SLC28A3: variants seen among roughly 807,000 people sequenced by gnomAD.
SLC28A3 encodes the protein concentrative Na(+)-nucleoside cotransporter 3.
SLC28A3 carries 68 observed loss-of-function variants against 84.2 expected under a neutral mutation model. The observed-to-expected ratio is 0.81, with a 90% CI of 0.66 to 0.99. The LOEUF (loss-of-function observed/expected upper bound fraction) is 0.99, where lower values mean the gene tolerates loss of function less well. Among genes scored for constraint, SLC28A3 ranks in the 50% least tolerant of loss-of-function variants. The pLI is 0.00. For synonymous variants in SLC28A3, 267 were observed against 303.6 expected, an observed-to-expected ratio of 0.88 and a Z score of 1.25; for missense variants, 712 against 841.5, an observed-to-expected ratio of 0.85 and a Z score of 1.90.
chr9:84,309,176 A>G (rs1244696006), intron 3 of SLC28A3, among the ~76,000 whole-genome samples: 1 of 152,072 alleles, frequency 6.6e-6, no homozygotes, highest in Non-Finnish European at 1.5e-5. Flanking sequence ...TTGGGTAGGG[A>G]GGGTAGATGG....
At chr9:84,353,643 G>T in the SLC28A3 span, among the ~76,000 whole-genome samples, 1 of 152,166 alleles carries the variant, frequency 6.6e-6, no homozygotes, top group South Asian at 2.1e-4. Flanking sequence ...TCGAGAGGTG[G>T]AGCTTGCAAT....
At chr9:84,305,468 T>C (rs1033162666) in intron 3 of SLC28A3, 123 bp from the exon 4 acceptor site, 6 of 772,782 alleles carry the variant, frequency 7.8e-6, no homozygotes, top group Non-Finnish European at 1.3e-5. Flanking sequence ...GTGAGGCGTA[T>C]GTCTTACAAA....
chr9:84,361,786 A>G, the SLC28A3 span, among the ~76,000 whole-genome samples: 1 of 151,860 alleles, frequency 6.6e-6, no homozygotes, highest in African/African-American at 2.4e-5. Context: ...AATGGCTGAC[A>G]TCTGTAGTCT....
chr9:84,310,402 G>C, intron 2 of SLC28A3: 2 of 985,318 alleles, frequency 2.0e-6, no homozygotes, highest in Non-Finnish European at 2.4e-6. Context: ...GATGGCAGAG[G>C]ATTTCCTACC....
In SLC28A3 at chr9:84,278,156, T is replaced by TC. The variant is rs978066609; in HGVS notation, c.*61dup. On this transcript the variant is annotated 3_prime_UTR_variant, in exon 18 of 18. Coordinates refer to ENST00000376238, the MANE Select transcript of SLC28A3 (RefSeq NM_001199633.2). Reference sequence around the variant, plus strand: ...TGTGGACAATAGCTTCTTTTTTTTTTCTTTCCAAAGCAGAAAATTCAGCAT... The same window carrying TC: ...TGTGGACAATAGCTTCTTTTTTTTTTCCTTTCCAAAGCAGAAAATTCAGCAT... 1.1e-4 allele frequency: 167 copies of TC among 1,539,302 alleles called. No individual in the cohort carries two copies. Among genetic ancestry groups the TC allele is most frequent in the Middle Eastern group, 1.7e-4 (1 of 5,734 alleles).
intron 1 of SLC28A3, among the ~76,000 whole-genome samples, chr9:84,334,319 T>C (rs1826893652): frequency 6.6e-6 from 1 of 152,126 alleles, no homozygotes; most frequent in Admixed American, 6.6e-5. Context: ...AAAAAAAGTT[T>C]CAATATAAGC....
chr9:84,275,742 C>T lies in SLC28A3; in HGVS notation c.*2476G>A, dbSNP rs1326094567. On this transcript the variant is annotated 3_prime_UTR_variant, in exon 18 of 18. Coordinates refer to ENST00000376238, the MANE Select transcript of SLC28A3 (RefSeq NM_001199633.2). ...ACAAGCTCAAGAGGCTTAACCAGCT[C>T]ATTTTCCTGGTCCTTGGCCTTTACT... The T allele has an allele frequency of 6.6e-6, 1 of 152,168 alleles. No homozygotes were observed. Among genetic ancestry groups the T allele is most frequent in the African/African-American group, 2.4e-5 (1 of 41,428 alleles). 9.4% of individuals were successfully genotyped at this position (152,168 alleles called of 1,614,324 possible). A position where few individuals can be genotyped will look rare whatever the true frequency, so the allele number is the denominator to read the frequency against.
intron 15 of SLC28A3, 115 bp from the exon 16 acceptor site, chr9:84,280,188 T>C: frequency 2.5e-6 from 2 of 798,018 alleles, no homozygotes; most frequent in Non-Finnish European, 3.9e-6. Flanking sequence ...TTTTTTTTTT[T>C]CTTTAACTTA....
intron 1 of SLC28A3, among the ~76,000 whole-genome samples, chr9:84,327,269 TG>T (rs896687137): frequency 7.3e-5 from 11 of 151,476 alleles, no homozygotes; most frequent in African/African-American, 2.7e-4. Context: ...GTCCTACTCC[TG>T]ACTGATCATC....
chr9:84,292,485 CTCTCTCTCTCTG>C (rs1430735088), intron 10 of SLC28A3, 171 bp downstream of exon 10: 81 of 531,140 alleles, frequency 1.5e-4, no homozygotes, highest in South Asian at 7.4e-5. Flanking sequence ...GTCTCTCTCT[CTCTCTCTCTCTG>C]TCTCTCTCTC....
the SLC28A3 span, among the ~76,000 whole-genome samples, chr9:84,355,343 TG>T: frequency 9.0e-4 from 136 of 151,632 alleles, no homozygotes; most frequent in African/African-American, 3.1e-3. Context: ...GAGGCTGGGG[TG>T]GGAGGTCTGC....
chr9:84,311,117 G>C (rs1385784688), intron 2 of SLC28A3, among the ~76,000 whole-genome samples: 1 of 152,024 alleles, frequency 6.6e-6, no homozygotes, highest in Non-Finnish European at 1.5e-5. Context: ...CTCACACCCT[G>C]CCCACTTCTC....
At chr9:84,319,750 T>G (rs1394911066) in intron 1 of SLC28A3, among the ~76,000 whole-genome samples, 2 of 152,122 alleles carry the variant, frequency 1.3e-5, no homozygotes, top group African/African-American at 4.8e-5. Flanking sequence ...GACACTGCCA[T>G]AAGAACTTCC....
At position 84,276,710 on chromosome 9, in the gene SLC28A3, A is replaced by G. The variant is rs1245274376; in HGVS notation, c.*1508T>C. The G allele has an allele frequency of 6.6e-6, 1 of 152,174 alleles. No homozygotes were observed. Among genetic ancestry groups the G allele is most frequent in the East Asian group, 1.9e-4 (1 of 5,200 alleles). The allele number at this position is 152,174 out of a possible 1,614,324, so 9.4% of individuals were successfully genotyped here. A position where few individuals can be genotyped will look rare whatever the true frequency, so the allele number is the denominator to read the frequency against. ...AGTATATCATACTTCAGGGATAAAC[A>G]GTCCTCTGGACATTAGGCCTCCTCC... On this transcript the variant is annotated 3_prime_UTR_variant, in exon 18 of 18. Coordinates refer to ENST00000376238, the MANE Select transcript of SLC28A3 (RefSeq NM_001199633.2).
At chr9:84,366,075 T>G in the SLC28A3 span, among the ~76,000 whole-genome samples, 1 of 151,852 alleles carries the variant, frequency 6.6e-6, no homozygotes, top group African/African-American at 2.4e-5. Context: ...AAAAAAAGAT[T>G]GGGTGCATTC....
chr9:84,320,384 TC>T (rs1826335926), intron 1 of SLC28A3, among the ~76,000 whole-genome samples: 1 of 152,040 alleles, frequency 6.6e-6, no homozygotes. Context: ...TCCATGGAAA[TC>T]ACCCTTGCCA....
At chr9:84,329,811 A>T (rs1367900953) in intron 1 of SLC28A3, among the ~76,000 whole-genome samples, 1 of 152,142 alleles carries the variant, frequency 6.6e-6, no homozygotes, top group Non-Finnish European at 1.5e-5. Flanking sequence ...GGGTGGGTGG[A>T]TTGCTTGTAC....
In SLC28A3 at chr9:84,281,011, T is replaced by C. The variant is rs1824729920; in HGVS notation, c.1648-129A>G. On this transcript the variant is annotated intron_variant, in intron 14 of 17. Transcript: ENST00000376238. ...TAAATGCACAGTCCATGGTATCAAA[T>C]ACCCATTACTCCCTAGACCTCTTTT... 38 of 812,524 alleles carry C rather than the reference T, an allele frequency of 4.7e-5. No homozygotes were observed. The South Asian group carries it at 6.1e-4, about 13-fold the overall frequency. The allele number at this position is 812,524 out of a possible 1,614,324, so 50.3% of individuals were successfully genotyped here. A position where few individuals can be genotyped will look rare whatever the true frequency, so the allele number is the denominator to read the frequency against.
intron 5 of SLC28A3, among the ~76,000 whole-genome samples, chr9:84,301,865 A>G (rs1287485919): frequency 6.6e-6 from 1 of 152,178 alleles, no homozygotes; most frequent in Non-Finnish European, 1.5e-5. Flanking sequence ...ATTTCTAACT[A>G]CTTCCTAATA....
Sources: allele counts gnomAD v4.1 joint callset (sites outside exome capture counted in the v4.1 genomes callset), GRCh38; gene constraint gnomAD v4.1.1; transcripts MANE v1.5; gene names NCBI Gene and HGNC (gene_info 2026-07-23, HGNC 2026-07-21).